CYP4F3: variants seen among roughly 807,000 people sequenced by gnomAD.
CYP4F3 encodes cytochrome P450 family 4 subfamily F member 3, also known as cytochrome P450 4F3.
In CYP4F3, 50 loss-of-function variants were observed where a neutral mutation model predicts 54.8. The ratio of observed to expected loss-of-function variants is 0.91; its 90% CI spans 0.73 to 1.16. The LOEUF is 1.16. CYP4F3 is among the 50% of genes most tolerant of loss of function. The probability of loss-of-function intolerance (pLI) is 0.00; values close to 1 mark genes in which losing one functional copy is unlikely to be tolerated. For synonymous variants in CYP4F3, 244 were observed against 262.6 expected, an observed-to-expected ratio of 0.93 and a Z score of 0.69; for missense variants, 715 against 676.2, an observed-to-expected ratio of 1.06 and a Z score of -0.64.
In CYP4F3 at chr19:15,651,390, T is replaced by C. The variant is rs1425773325; in HGVS notation, c.919-1179T>C. Among the ~76,000 whole-genome samples the C allele has an allele frequency of 6.8e-5, 9 of 133,048 alleles. 1 individual carries two copies. The highest frequency in any genetic ancestry group is 1.5e-4 in the Non-Finnish European group (9 of 59,528). The allele number at this position is 133,048 out of a possible 152,430, so 87.3% of individuals were successfully genotyped here. A position where few individuals can be genotyped will look rare whatever the true frequency, so the allele number is the denominator to read the frequency against. On this transcript the variant is annotated intron_variant, in intron 7 of 12. Transcript: ENST00000221307. ...TCTTTGTCTTTTTTTTTTTTTGAGA[T>C]GGAGTCTCGCTGTGTCACCCAGGCT...
At position 15,658,569 on chromosome 19, in the gene CYP4F3, G is replaced by A. The variant is rs4646515; in HGVS notation, c.1314+14G>A. On this transcript the variant is annotated intron_variant, in intron 11 of 12. Transcript: ENST00000221307. ...CCGGACCCTGAGGTGCGGGCCCCCC[G>A]TCTCTGTTTTTGTCCATTCCAAGGC... The A allele has an allele frequency of 3.1e-6, 5 of 1,613,134 alleles. No individual in the cohort carries two copies. The highest frequency in any genetic ancestry group is 4.5e-5 in the East Asian group (2 of 44,424).
rs1278865892 is a variant in CYP4F3 at position 15,661,533 on chromosome 19, C to T, written c.*2148C>T. 1 of 152,142 alleles carries T rather than the reference C, an allele frequency of 6.6e-6. No homozygotes were observed. The highest frequency in any genetic ancestry group is 1.5e-5 in the Non-Finnish European group (1 of 68,030). 9.4% of individuals were successfully genotyped at this position (152,142 alleles called of 1,614,324 possible). On this transcript the variant is annotated 3_prime_UTR_variant, in exon 13 of 13. Coordinates refer to ENST00000221307, the MANE Select transcript of CYP4F3 (RefSeq NM_000896.3). ...GTTGAACCACTCGTGCCTTCCTGTG[C>T]CTATTTGACACTCCTATATTTTCTT...
At position 15,650,820 on chromosome 19, in the gene CYP4F3, T is replaced by C. The variant is rs7253734; in HGVS notation, c.918+637T>C. ...CTTTCTCTCTCTTCTCTTTCTTTCT[T>C]TCTTTCTTTCTTTCTTTCTTTCTTT... is the stretch of plus-strand genomic sequence containing the variant. On this transcript the variant is annotated intron_variant, in intron 7 of 12. Coordinates refer to ENST00000221307, the MANE Select transcript of CYP4F3 (RefSeq NM_000896.3). 2.4e-4 allele frequency among the ~76,000 whole-genome samples: 13 copies of C among 54,078 alleles called. 2 individuals carry two copies. The highest frequency in any genetic ancestry group is 3.4e-4 in the African/African-American group (3 of 8,760). The allele number at this position is 54,078 out of a possible 152,430, so 35.5% of individuals were successfully genotyped here.
At chr19:15,653,174 T>C (rs1972910468) in intron 9 of CYP4F3, among the ~76,000 whole-genome samples, 1 of 152,158 alleles carries the variant, frequency 6.6e-6, no homozygotes, top group South Asian at 2.1e-4. Flanking sequence ...GAATTGTTGA[T>C]GATATGTGAG....
At chr19:15,643,391 G>T (rs899504786) in intron 2 of CYP4F3, among the ~76,000 whole-genome samples, 1 of 149,638 alleles carries the variant, frequency 6.7e-6, no homozygotes, top group Non-Finnish European at 1.5e-5. Flanking sequence ...GATATGTAGA[G>T]ATATATATAG....
chr19:15,650,524 GTCTC>G (rs1226946333), intron 7 of CYP4F3, among the ~76,000 whole-genome samples: 1 of 152,112 alleles, frequency 6.6e-6, no homozygotes, highest in Non-Finnish European at 1.5e-5. Context: ...CTGAGTTTGT[GTCTC>G]TCTCTATGAC....
intron 6 of CYP4F3, 144 bp downstream of exon 6, chr19:15,649,425 T>A (rs139256171): frequency 2.2e-4 from 313 of 1,399,952 alleles, no homozygotes; most frequent in Non-Finnish European, 2.7e-4. Flanking sequence ...GGTATGAATT[T>A]TATCTTGAGG....
intron 7 of CYP4F3, 100 bp from the exon 8 acceptor site, chr19:15,652,469 A>T: frequency 6.5e-7 from 1 of 1,543,660 alleles, no homozygotes; most frequent in Non-Finnish European, 8.8e-7. Context: ...TCGAAAGAGG[A>T]TGAATCTTCA....
At chr19:15,644,613 G>A (rs1167653238) in intron 2 of CYP4F3, among the ~76,000 whole-genome samples, 2 of 152,248 alleles carry the variant, frequency 1.3e-5, no homozygotes, top group Non-Finnish European at 2.9e-5. Flanking sequence ...GGCTGGTGGA[G>A]GATCTGGACT....
At chr19:15,658,080 C>G (rs1424574090) in intron 9 of CYP4F3, 184 bp from the exon 10 acceptor site, 1 of 967,870 alleles carries the variant, frequency 1.0e-6, no homozygotes, top group Non-Finnish European at 1.2e-6. Flanking sequence ...TATGCTGTTC[C>G]ATGGGTCTAT....
chr19:15,643,703 C>T (rs567540042), intron 2 of CYP4F3, among the ~76,000 whole-genome samples: 231 of 152,268 alleles, frequency 1.5e-3, no homozygotes, highest in Non-Finnish European at 3.0e-3. Context: ...TTTTGTGCTA[C>T]CTGGGCTCTC....
intron 9 of CYP4F3, among the ~76,000 whole-genome samples, chr19:15,653,736 GA>G (rs1200682464): frequency 1.1e-3 from 2 of 1,896 alleles, no homozygotes; most frequent in Non-Finnish European, 2.1e-3. Flanking sequence ...AGAGAGAGAG[GA>G]GAGAGAGAGA....
chr19:15,644,044 C>A, intron 2 of CYP4F3: 1 of 1,586,140 alleles, frequency 6.3e-7, no homozygotes, highest in South Asian at 1.2e-5. Context: ...CTGTCATCAA[C>A]GCCTCAGGTA....
chr19:15,641,523 C>A lies in CYP4F3; in HGVS notation c.108C>A (p.Ala36=). The change falls in exon 2 of 13, where the codon GCC becomes GCA. Residue 36 remains alanine, a synonymous_variant. Coordinates refer to ENST00000221307, the MANE Select transcript of CYP4F3 (RefSeq NM_000896.3). ...CCTGGCTCCTGGCCCGCATCCTGGC[C>A]TGGACCTATACCTTCTATGACAACT... ...GASWLLARIL[A]WTYTFYDNCC... 1.2e-6 allele frequency: 2 copies of A among 1,614,190 alleles called. No homozygotes were observed. The highest frequency in any genetic ancestry group is 1.7e-6 in the Non-Finnish European group (2 of 1,180,036).
intron 7 of CYP4F3, among the ~76,000 whole-genome samples, chr19:15,650,870 T>TTCTCTCTCTCTCTC (rs1972832735): frequency 2.5e-5 from 1 of 39,478 alleles, no homozygotes; most frequent in African/African-American, 2.0e-4. Flanking sequence ...TTCTTTCTTT[T>TTCTCTCTCTCTCTC]TCTCTCTCTC....
Position 15,649,404 on chromosome 19 carries a change from G to A in CYP4F3, c.647+123G>A, listed in dbSNP as rs1454234814. 45 of 1,473,550 alleles carry A rather than the reference G, an allele frequency of 3.1e-5. No homozygotes were observed. The South Asian group carries it at 3.9e-4, about 13-fold the overall frequency. The allele number at this position is 1,473,550 out of a possible 1,614,324, so 91.3% of individuals were successfully genotyped here. ...CTTGGAGGAGTTGTTATACCTGATCGTTGAAGGACTGGTATGAATTTTATC... is the reference window on the plus strand; with the variant it reads ...CTTGGAGGAGTTGTTATACCTGATCATTGAAGGACTGGTATGAATTTTATC... On this transcript the variant is annotated intron_variant, in intron 6 of 12. Transcript: ENST00000221307.
At chr19:15,648,076 G>T (rs546752494) in intron 5 of CYP4F3, among the ~76,000 whole-genome samples, 22 of 152,146 alleles carry the variant, frequency 1.4e-4, no homozygotes, top group Non-Finnish European at 3.2e-4. Context: ...ACATTGCAAA[G>T]GGTGTGGATA....
At chr19:15,643,329 G>T (rs1305953741) in intron 2 of CYP4F3, among the ~76,000 whole-genome samples, 2 of 140,508 alleles carry the variant, frequency 1.4e-5, no homozygotes, top group African/African-American at 5.6e-5. Flanking sequence ...TAGATAGATA[G>T]ATAGACAGAT....
chr19:15,661,261 C>T lies in CYP4F3; in HGVS notation c.*1876C>T, dbSNP rs574401301. The T allele has an allele frequency of 1.0e-3, 149 of 146,412 alleles. No individual in the cohort carries two copies. Among genetic ancestry groups the T allele is most frequent in the South Asian group, 2.2e-3 (10 of 4,622 alleles). The allele number at this position is 146,412 out of a possible 1,614,324, so 9.1% of individuals were successfully genotyped here. ...TGGGGGAGGGGGACATAGCGAGACT[C>T]GGTCTCAAAAACAAAACAAAACAAA... On this transcript the variant is annotated 3_prime_UTR_variant, in exon 13 of 13. Transcript: ENST00000221307.
Sources: gnomAD v4.1 joint callset for allele counts (sites outside exome capture counted in the v4.1 genomes callset) on GRCh38, gnomAD v4.1.1 for gene constraint, MANE v1.5 for transcripts, NCBI Gene and HGNC (gene_info 2026-07-23, HGNC 2026-07-21) for gene names.